VPS8: variants seen among roughly 807,000 people sequenced by gnomAD.
The protein encoded by VPS8 is VPS8 subunit of CORVET complex.
In VPS8, 129 loss-of-function variants were observed where a neutral mutation model predicts 216.4. The observed-to-expected ratio is 0.60, with a 90% CI of 0.52 to 0.69. VPS8 has a LOEUF of 0.69. VPS8 is among the 30% of genes least tolerant of loss of function. The probability of loss-of-function intolerance (pLI) is 0.00; values close to 1 mark genes in which losing one functional copy is unlikely to be tolerated. For missense variants in VPS8, 1,531 were observed against 1,683.5 expected (o/e 0.91, Z 1.59); for synonymous variants, 571 against 565.4 (o/e 1.01, Z -0.14).
At chr3:184,854,896 G>A (rs1313835829) in intron 13 of VPS8, among the ~76,000 whole-genome samples, 1 of 152,090 alleles carries the variant, frequency 6.6e-6, no homozygotes, top group Non-Finnish European at 1.5e-5. Flanking sequence ...GTATATATGA[G>A]GAGAGGTGTT....
chr3:184,827,255 C>G (rs1253689743), intron 3 of VPS8, among the ~76,000 whole-genome samples: 1 of 152,074 alleles, frequency 6.6e-6, no homozygotes, highest in Non-Finnish European at 1.5e-5. Flanking sequence ...TCAATTATGT[C>G]TTTTATTTTT....
rs1166671376 is a variant in VPS8, at chr3:184,996,349, A to C, written c.3684A>C (p.Thr1228=). The change falls in exon 44 of 48, where the codon ACA becomes ACC. Residue 1228 remains threonine, a synonymous_variant. Coordinates refer to ENST00000625842, the MANE Select transcript of VPS8 (RefSeq NM_001009921.3). ...TTTCATAGACCCTGCTGGAAACAAC[A>C]ACCAGCCTTCTAAACCAAGATCTCC... The part of the protein sequence containing the change: ...FNYEQTLLET[T]TSLLNQDLHW... The C allele has an allele frequency of 1.2e-6, 2 of 1,612,536 alleles. No homozygotes were observed. Among genetic ancestry groups the C allele is most frequent in the South Asian group, 1.1e-5 (1 of 90,854 alleles).
Position 184,823,562 on chromosome 3 carries a change from A to G in VPS8, c.-88-983A>G, listed in dbSNP as rs199645963. Among the ~76,000 whole-genome samples, 12 of 152,346 alleles carry G rather than the reference A, an allele frequency of 7.9e-5. No homozygotes were observed. In the East Asian group the frequency reaches 2.1e-3, roughly 27 times the overall value. ...TTTTGCCAGTTGTTTGGTACTGTGA[A>G]AAACATCTAGTTTAGGAAACAAAAT... is the stretch of plus-strand genomic sequence containing the variant. On this transcript the variant is annotated intron_variant, in intron 1 of 47. Coordinates refer to ENST00000625842, the MANE Select transcript of VPS8 (RefSeq NM_001009921.3).
chr3:184,865,984 T>C (rs1727277243), intron 16 of VPS8, among the ~76,000 whole-genome samples: 1 of 137,972 alleles, frequency 7.2e-6, no homozygotes, highest in South Asian at 2.7e-4. Context: ...TGAGACTCCA[T>C]CTTAAAAAAA....
At chr3:185,025,746 A>G (rs1036770460) in intron 46 of VPS8, among the ~76,000 whole-genome samples, 4 of 152,122 alleles carry the variant, frequency 2.6e-5, no homozygotes, top group South Asian at 2.1e-4. Flanking sequence ...AGGGATTCCA[A>G]TTTTTTGTCT....
chr3:184,999,149 C>G (rs1181535521), intron 44 of VPS8, among the ~76,000 whole-genome samples: 4 of 152,154 alleles, frequency 2.6e-5, no homozygotes, highest in Admixed American at 6.5e-5. Flanking sequence ...CCTCCGCCTC[C>G]CGGGTTGAAG....
chr3:184,860,111 G>A lies in VPS8; in HGVS notation c.1224+46G>A, dbSNP rs780702425. On this transcript the variant is annotated intron_variant, in intron 15 of 47. Coordinates refer to ENST00000625842, the MANE Select transcript of VPS8 (RefSeq NM_001009921.3). ...ATATCCCCATTTAGTTCATGTAATT[G>A]TTCTGAATCTATGATATATTAAAGC... The A allele has an allele frequency of 1.3e-5, 18 of 1,432,956 alleles. 1 individual carries two copies. Among genetic ancestry groups the A allele is most frequent in the Admixed American group, 5.4e-5 (3 of 55,346 alleles). 88.8% of individuals were successfully genotyped at this position (1,432,956 alleles called of 1,614,324 possible). A position where few individuals can be genotyped will look rare whatever the true frequency, so the allele number is the denominator to read the frequency against.
At chr3:184,828,049 A>G (rs1327431608) in intron 3 of VPS8, among the ~76,000 whole-genome samples, 1 of 152,206 alleles carries the variant, frequency 6.6e-6, no homozygotes, top group Admixed American at 6.5e-5. Context: ...TTTTCTCAGG[A>G]TATGTGGATG....
chr3:184,915,331 C>T (rs767712534), intron 27 of VPS8, 24 bp from the exon 28 acceptor site: 3 of 1,606,234 alleles, frequency 1.9e-6, no homozygotes, highest in African/African-American at 1.3e-5. Context: ...AGAAAATAAT[C>T]AACATTTTTT....
chr3:184,912,913 C>T (rs1560643784), intron 25 of VPS8, among the ~76,000 whole-genome samples: 2 of 152,206 alleles, frequency 1.3e-5, no homozygotes. Context: ...GTTGATGCTC[C>T]TGCTCCATTC....
intron 36 of VPS8, among the ~76,000 whole-genome samples, chr3:184,947,127 C>T (rs1045495823): frequency 1.8e-4 from 27 of 152,322 alleles, no homozygotes; most frequent in African/African-American, 6.5e-4. Context: ...CCAGATTCCG[C>T]TGGTACCTGC....
chr3:184,941,446 A>G lies in VPS8; in HGVS notation c.3035+1203A>G, dbSNP rs1051541758. Among the ~76,000 whole-genome samples, 174 of 120,866 alleles carry G rather than the reference A, an allele frequency of 1.4e-3. 2 individuals are homozygous for G. The highest frequency in any genetic ancestry group is 5.4e-3 in the African/African-American group (168 of 31,104). 79.3% of individuals were successfully genotyped at this position (120,866 alleles called of 152,430 possible). ...TTTTTTTTTTTTTTTTTAAATTCCT[A>G]TTAATCATGTGTATTTCCCTCAGAG... is the stretch of plus-strand genomic sequence containing the variant. On this transcript the variant is annotated intron_variant, in intron 36 of 47. Transcript: ENST00000625842.
chr3:185,018,941 A>G (rs1756233322), intron 45 of VPS8, among the ~76,000 whole-genome samples: 1 of 152,212 alleles, frequency 6.6e-6, no homozygotes, highest in Non-Finnish European at 1.5e-5. Flanking sequence ...TGGAGGATCA[A>G]GCCACTCTTT....
intron 42 of VPS8, among the ~76,000 whole-genome samples, chr3:184,984,774 A>T (rs1042888034): frequency 6.6e-6 from 1 of 152,210 alleles, no homozygotes. Flanking sequence ...GTTATAAGAA[A>T]TGAAATCATA....
intron 43 of VPS8, among the ~76,000 whole-genome samples, chr3:184,994,359 C>A (rs574920459): frequency 6.6e-6 from 1 of 151,974 alleles, no homozygotes; most frequent in Non-Finnish European, 1.5e-5. Context: ...AAAAAATTAG[C>A]TGGGCATGGT....
intron 42 of VPS8, among the ~76,000 whole-genome samples, chr3:184,987,863 T>A (rs1046857105): frequency 6.6e-6 from 1 of 152,248 alleles, no homozygotes; most frequent in Non-Finnish European, 1.5e-5. Context: ...GAATGAAAGT[T>A]CCTGTTGCTC....
At chr3:184,976,887 A>G (rs892709962) in intron 40 of VPS8, among the ~76,000 whole-genome samples, 1 of 152,132 alleles carries the variant, frequency 6.6e-6, no homozygotes, top group Non-Finnish European at 1.5e-5. Flanking sequence ...TCTTGAGTCC[A>G]TGTCTTTGCT....
Position 184,838,716 on chromosome 3 carries a change from C to A in VPS8, c.450C>A (p.Asp150Glu). Residue 150 changes from aspartate (D) to glutamate (E), a missense_variant and splice_region_variant, in exon 6 of 48, where the codon GAC (aspartate) becomes GAA (glutamate). Coordinates refer to ENST00000625842, the MANE Select transcript of VPS8 (RefSeq NM_001009921.3). ...ACTTTCTTTAAAATTTCATTTAGGA[C>A]AAAGTAGATGCTGGCTTGCCTACAG... ...GISAQIVSAA[D>E]KVDAGLPTAI... 1 of 1,541,020 alleles carries A rather than the reference C, an allele frequency of 6.5e-7. No homozygotes were observed. The highest frequency in any genetic ancestry group is 1.2e-5 in the South Asian group (1 of 80,224).
intron 1 of VPS8, among the ~76,000 whole-genome samples, chr3:184,818,406 C>T (rs1394182829): frequency 6.6e-6 from 1 of 151,624 alleles, no homozygotes; most frequent in East Asian, 1.9e-4. Flanking sequence ...GCCTGTAGAC[C>T]CAGCTACTTG....
Sources: gnomAD v4.1 joint callset for allele counts (sites outside exome capture counted in the v4.1 genomes callset) on GRCh38, gnomAD v4.1.1 for gene constraint, MANE v1.5 for transcripts, NCBI Gene and HGNC (gene_info 2026-07-23, HGNC 2026-07-21) for gene names.